ENAH: variants seen among roughly 807,000 people sequenced by gnomAD.
ENAH encodes protein enabled homolog.
In ENAH, 23 loss-of-function variants were observed where a neutral mutation model predicts 78.7. The ratio of observed to expected loss-of-function variants is 0.29; its 90% confidence interval spans 0.21 to 0.41. The LOEUF (loss-of-function observed/expected upper bound fraction) is 0.41, where lower values mean the gene tolerates loss of function less well. Among genes scored for constraint, ENAH ranks in the 10% least tolerant of loss-of-function variants. The probability of loss-of-function intolerance (pLI) is 1.00; values close to 1 mark genes in which losing one functional copy is unlikely to be tolerated. For synonymous variants in ENAH, 226 were observed against 241.0 expected (o/e 0.94, Z 0.58); for missense variants, 544 against 691.0 (o/e 0.79, Z 2.39).
chr1:225,512,027 A>C (rs1376983544), intron 9 of ENAH, among the ~76,000 whole-genome samples, 168 bp from the exon 10 acceptor site: 1 of 152,098 alleles, frequency 6.6e-6, no homozygotes, highest in East Asian at 1.9e-4. Context: ...TCCTGTCTTC[A>C]ACCATCTTCC....
chr1:225,591,393 C>T (rs1297778020), intron 1 of ENAH, among the ~76,000 whole-genome samples: 2 of 150,880 alleles, frequency 1.3e-5, no homozygotes, highest in Admixed American at 6.6e-5. Flanking sequence ...GCTTGAACCC[C>T]GGAGGTGGAG....
intron 11 of ENAH, among the ~76,000 whole-genome samples, chr1:225,506,485 GC>G (rs2096330859): frequency 6.6e-6 from 1 of 152,180 alleles, no homozygotes; most frequent in African/African-American, 2.4e-5. Context: ...ACCACGCCTA[GC>G]CAGCTCCTTG....
chr1:225,489,589 A>AT lies in ENAH; in HGVS notation c.*8185dup, dbSNP rs2096213232. Reference sequence around the variant, plus strand: ...TCAAAAGAAGAATAAACCAAAAAAGATTAAAAAAAAAGAATAAACCAACCA... The same window carrying AT: ...TCAAAAGAAGAATAAACCAAAAAAGATTTAAAAAAAAAGAATAAACCAACCA... On this transcript the variant is annotated 3_prime_UTR_variant, in exon 14 of 14. Coordinates refer to ENST00000366843, the MANE Select transcript of ENAH (RefSeq NM_018212.6). The AT allele has an allele frequency of 1.3e-5, 2 of 150,008 alleles. No homozygotes were observed. Among genetic ancestry groups the AT allele is most frequent in the South Asian group, 4.6e-4 (2 of 4,382 alleles). 9.3% of individuals were successfully genotyped at this position (150,008 alleles called of 1,614,324 possible).
intron 1 of ENAH, among the ~76,000 whole-genome samples, chr1:225,593,724 T>A (rs932419141): frequency 6.6e-5 from 10 of 152,172 alleles, no homozygotes; most frequent in Non-Finnish European, 1.2e-4. Flanking sequence ...CAGCCCACTT[T>A]TATCATTCGT....
chr1:225,488,416 A>G lies in ENAH; in HGVS notation c.*9359T>C, dbSNP rs895425043. On this transcript the variant is annotated 3_prime_UTR_variant, in exon 14 of 14. Coordinates refer to ENST00000366843, the MANE Select transcript of ENAH (RefSeq NM_018212.6). ...CTCTGCCTGAAGTTGTGCTCTGCTCACAGCACGAGTGTGGCTGTCCCTCTC... is the reference window on the plus strand; with the variant it reads ...CTCTGCCTGAAGTTGTGCTCTGCTCGCAGCACGAGTGTGGCTGTCCCTCTC... The G allele has an allele frequency of 6.6e-6, 1 of 152,218 alleles. No homozygotes were observed. The highest frequency in any genetic ancestry group is 2.4e-5 in the African/African-American group (1 of 41,462). The allele number at this position is 152,218 out of a possible 1,614,324, so 9.4% of individuals were successfully genotyped here.
intron 3 of ENAH, among the ~76,000 whole-genome samples, chr1:225,549,130 G>A (rs1280179168): frequency 1.3e-5 from 2 of 152,098 alleles, no homozygotes; most frequent in African/African-American, 4.8e-5. Context: ...GATTACAGGT[G>A]TATGCCACCG....
chr1:225,616,910 G>A (rs1391021217), intron 1 of ENAH, among the ~76,000 whole-genome samples: 1 of 152,034 alleles, frequency 6.6e-6, no homozygotes, highest in East Asian at 1.9e-4. Flanking sequence ...GACCAGCCTG[G>A]CCAAGTGGAG....
intron 7 of ENAH, among the ~76,000 whole-genome samples, chr1:225,514,090 T>C (rs2096398035): frequency 6.6e-6 from 1 of 152,206 alleles, no homozygotes; most frequent in South Asian, 2.1e-4. Flanking sequence ...TGAATGTAGG[T>C]GATGAATTTA....
intron 1 of ENAH, among the ~76,000 whole-genome samples, chr1:225,571,885 C>T (rs2096764607): frequency 6.6e-6 from 1 of 152,176 alleles, no homozygotes; most frequent in Admixed American, 6.5e-5. Context: ...ACACCTTACC[C>T]TATGCCTCTC....
intron 12 of ENAH, among the ~76,000 whole-genome samples, chr1:225,499,384 A>T (rs146157361): frequency 1.6e-3 from 237 of 152,314 alleles, no homozygotes; most frequent in African/African-American, 5.4e-3. Context: ...CAAGAACTGC[A>T]GATTTGGCCA....
Position 225,551,578 on chromosome 1 carries a change from G to A in ENAH, c.349+3328C>T, listed in dbSNP as rs1193880259. Among the ~76,000 whole-genome samples, 3 of 152,210 alleles carry A rather than the reference G, an allele frequency of 2.0e-5. No individual in the cohort carries two copies. In the East Asian group the frequency reaches 5.8e-4, roughly 29 times the overall value. On this transcript the variant is annotated intron_variant, in intron 3 of 13. Transcript: ENST00000366843. ...CGGATCCGGAACCCTATATCAATCA[G>A]AGAAGCTCCATATTTTCTGTCCATT...
At chr1:225,551,013 C>A (rs1422024660) in intron 3 of ENAH, among the ~76,000 whole-genome samples, 1 of 152,110 alleles carries the variant, frequency 6.6e-6, no homozygotes. Context: ...TAATCCATAA[C>A]TATTACCTAT....
At chr1:225,600,646 C>G (rs1367576925) in intron 1 of ENAH, among the ~76,000 whole-genome samples, 1 of 151,210 alleles carries the variant, frequency 6.6e-6, no homozygotes, top group Non-Finnish European at 1.5e-5. Flanking sequence ...TTGCTTGAGC[C>G]CAAGGGTTCA....
In ENAH at chr1:225,497,726, G is replaced by A; in HGVS notation, c.*49C>T. 1 of 1,578,618 alleles carries A rather than the reference G, an allele frequency of 6.3e-7. No individual in the cohort carries two copies. Among genetic ancestry groups the A allele is most frequent in the Non-Finnish European group, 8.7e-7 (1 of 1,152,056 alleles). ...CTGTTGTGAACAGTTGTTGTTTGTAGGATATTTTTCCTCCAGATTAAAGTC... is the reference window on the plus strand; with the variant it reads ...CTGTTGTGAACAGTTGTTGTTTGTAAGATATTTTTCCTCCAGATTAAAGTC... On this transcript the variant is annotated 3_prime_UTR_variant, in exon 14 of 14. Transcript: ENST00000366843.
chr1:225,601,561 CTTATA>C (rs985585213), intron 1 of ENAH, among the ~76,000 whole-genome samples: 4 of 151,380 alleles, frequency 2.6e-5, no homozygotes, highest in African/African-American at 9.7e-5. Context: ...TTACAAAATA[CTTATA>C]TTAAAAAAGA....
At chr1:225,508,215 A>G (rs2096349431) in intron 10 of ENAH, among the ~76,000 whole-genome samples, 198 bp from the exon 11 acceptor site, 1 of 152,164 alleles carries the variant, frequency 6.6e-6, no homozygotes, top group Non-Finnish European at 1.5e-5. Context: ...AGAAGAAATT[A>G]TAAGCTAGTA....
intron 11 of ENAH, chr1:225,505,158 T>C (rs1044246954): frequency 4.0e-6 from 3 of 756,024 alleles, no homozygotes; most frequent in Admixed American, 2.5e-5. Context: ...AAAACAAGAA[T>C]TGAGTCTATT....
chr1:225,576,427 T>G (rs2096788535), intron 1 of ENAH, among the ~76,000 whole-genome samples: 1 of 152,172 alleles, frequency 6.6e-6, no homozygotes, highest in South Asian at 2.1e-4. Flanking sequence ...AGTTAAATGT[T>G]TTGAAAAGTC....
At chr1:225,567,596 CA>C (rs968198887) in intron 1 of ENAH, among the ~76,000 whole-genome samples, 182 bp from the exon 2 acceptor site, 275 of 151,100 alleles carry the variant, frequency 1.8e-3, no homozygotes, top group African/African-American at 6.5e-3. Context: ...GAAGACAAAC[CA>C]AAAAAAATAA....
Sources: allele counts gnomAD v4.1 joint callset (sites outside exome capture counted in the v4.1 genomes callset), GRCh38; gene constraint gnomAD v4.1.1; transcripts MANE v1.5; gene names NCBI Gene and HGNC (gene_info 2026-07-23, HGNC 2026-07-21).